NCAM2: variants seen among roughly 807,000 people sequenced by gnomAD.
NCAM2 encodes N-CAM-2.
NCAM2 carries 30 observed loss-of-function variants against 98.1 expected under a neutral mutation model. The observed-to-expected ratio is 0.31, with a 90% CI of 0.23 to 0.41. The LOEUF (loss-of-function observed/expected upper bound fraction) is 0.41, where lower values mean the gene tolerates loss of function less well. Among genes scored for constraint, NCAM2 ranks in the 10% least tolerant of loss-of-function variants. The pLI is 1.00. For missense variants in NCAM2, 867 were observed against 1,005.8 expected (o/e 0.86, Z 1.87); for synonymous variants, 368 against 342.4 (o/e 1.07, Z -0.83).
intron 5 of NCAM2, among the ~76,000 whole-genome samples, chr21:21,313,659 T>A (rs2074126742): frequency 6.6e-6 from 1 of 152,024 alleles, no homozygotes; most frequent in South Asian, 2.1e-4. Flanking sequence ...GTTTCTGTGT[T>A]TTTATTCATG....
chr21:21,054,699 C>A (rs1438114304), intron 1 of NCAM2, among the ~76,000 whole-genome samples: 1 of 151,988 alleles, frequency 6.6e-6, no homozygotes, highest in African/African-American at 2.4e-5. Flanking sequence ...ACATAACATA[C>A]TTTTTGCCAA....
intron 6 of NCAM2, among the ~76,000 whole-genome samples, chr21:21,326,878 A>G (rs1226809917): frequency 6.6e-6 from 1 of 151,914 alleles, no homozygotes; most frequent in Admixed American, 6.6e-5. Context: ...TATCTGACAT[A>G]TAGACATGTC....
intron 1 of NCAM2, among the ~76,000 whole-genome samples, chr21:21,047,918 A>G (rs2065032110): frequency 6.6e-6 from 1 of 152,308 alleles, no homozygotes; most frequent in East Asian, 1.9e-4. Flanking sequence ...TCATAACTTA[A>G]TTTCCAATCT....
At chr21:21,511,008 A>G (rs1988343238) in intron 16 of NCAM2, among the ~76,000 whole-genome samples, 1 of 151,996 alleles carries the variant, frequency 6.6e-6, no homozygotes, top group Non-Finnish European at 1.5e-5. Flanking sequence ...AAATGAGTTT[A>G]TACTTGTTGC....
At chr21:21,037,451 G>T (rs2064822048) in intron 1 of NCAM2, among the ~76,000 whole-genome samples, 1 of 152,110 alleles carries the variant, frequency 6.6e-6, no homozygotes, top group African/African-American at 2.4e-5. Context: ...ATGAATTTAT[G>T]GATGCTATTC....
At chr21:21,249,660 G>A (rs908038102) in intron 1 of NCAM2, among the ~76,000 whole-genome samples, 1 of 147,126 alleles carries the variant, frequency 6.8e-6, no homozygotes, top group Admixed American at 7.0e-5. Flanking sequence ...CAGACAATCA[G>A]CACCCCCACA....
intron 11 of NCAM2, among the ~76,000 whole-genome samples, chr21:21,430,689 C>T (rs912961727): frequency 2.0e-5 from 3 of 151,862 alleles, no homozygotes; most frequent in East Asian, 3.9e-4. Flanking sequence ...ATGGAGAAAC[C>T]GCCCCCATGA....
At chr21:21,432,532 A>T (rs1300799474) in intron 12 of NCAM2, among the ~76,000 whole-genome samples, 1 of 151,326 alleles carries the variant, frequency 6.6e-6, no homozygotes, top group African/African-American at 2.4e-5. Flanking sequence ...TCACTTTAAA[A>T]AAATTCGTTG....
chr21:21,302,548 A>G (rs958596696), intron 5 of NCAM2, among the ~76,000 whole-genome samples: 1 of 152,150 alleles, frequency 6.6e-6, no homozygotes, highest in Non-Finnish European at 1.5e-5. Context: ...CAAAACCACA[A>G]TGAGATACTG....
At chr21:21,208,195 T>A (rs956991689) in intron 1 of NCAM2, among the ~76,000 whole-genome samples, 1 of 152,162 alleles carries the variant, frequency 6.6e-6, no homozygotes, top group African/African-American at 2.4e-5. Context: ...AAGCTATAAA[T>A]ACTTCCAAGG....
chr21:21,209,832 C>T (rs1411301260), intron 1 of NCAM2, among the ~76,000 whole-genome samples: 1 of 152,068 alleles, frequency 6.6e-6, no homozygotes. Flanking sequence ...TGCTATGTTC[C>T]CCAAAGATGG....
At chr21:21,260,599 T>G (rs1188650195) in intron 1 of NCAM2, among the ~76,000 whole-genome samples, 1 of 151,688 alleles carries the variant, frequency 6.6e-6, no homozygotes, top group Admixed American at 6.6e-5. Flanking sequence ...TTTTATTTCT[T>G]GCCAAACTAA....
intron 15 of NCAM2, among the ~76,000 whole-genome samples, chr21:21,506,377 A>G (rs1987979202): frequency 6.6e-6 from 1 of 152,174 alleles, no homozygotes; most frequent in Non-Finnish European, 1.5e-5. Flanking sequence ...ACTGTATTGT[A>G]ATGATAGATT....
At chr21:21,040,688 G>T (rs977268383) in intron 1 of NCAM2, among the ~76,000 whole-genome samples, 2 of 152,094 alleles carry the variant, frequency 1.3e-5, no homozygotes, top group African/African-American at 4.8e-5. Context: ...GGCACAGAAA[G>T]ACAAATATTG....
chr21:21,373,278 A>G (rs1025504357), intron 8 of NCAM2, among the ~76,000 whole-genome samples: 5 of 151,924 alleles, frequency 3.3e-5, no homozygotes, highest in African/African-American at 1.2e-4. Context: ...ACTTTAGTAA[A>G]AGCAACTTAT....
chr21:21,458,626 T>C (rs1317971572), intron 12 of NCAM2, among the ~76,000 whole-genome samples: 1 of 152,184 alleles, frequency 6.6e-6, no homozygotes, highest in East Asian at 1.9e-4. Flanking sequence ...CACCAGACAC[T>C]GAACCTGCCA....
chr21:21,175,851 C>G (rs1044188836), intron 1 of NCAM2, among the ~76,000 whole-genome samples: 3 of 152,090 alleles, frequency 2.0e-5, no homozygotes, highest in Admixed American at 2.0e-4. Flanking sequence ...GGATAGATTC[C>G]TAAAATGAAT....
chr21:21,514,289 A>G (rs1448659189), intron 16 of NCAM2, among the ~76,000 whole-genome samples: 1 of 151,628 alleles, frequency 6.6e-6, no homozygotes, highest in East Asian at 1.9e-4. Context: ...CAGCCTGGAC[A>G]ACATGGCGAA....
intron 1 of NCAM2, among the ~76,000 whole-genome samples, chr21:21,253,671 T>C (rs370194923): frequency 6.6e-6 from 1 of 152,192 alleles, no homozygotes; most frequent in South Asian, 2.1e-4. Flanking sequence ...TAATTTGTTA[T>C]AGCAGGCCAA....
Sources: gnomAD v4.1 joint callset for allele counts (sites outside exome capture counted in the v4.1 genomes callset) on GRCh38, gnomAD v4.1.1 for gene constraint, MANE v1.5 for transcripts, NCBI Gene and HGNC (gene_info 2026-07-23, HGNC 2026-07-21) for gene names.